RAD51B: variants seen among roughly 807,000 people sequenced by gnomAD.
RAD51B encodes the protein RAD51 paralog B.
A neutral mutation model predicts 42.2 loss-of-function variants in RAD51B; 38 were observed. The ratio of observed to expected loss-of-function variants is 0.90; its 90% CI spans 0.70 to 1.18. RAD51B has a LOEUF of 1.18. Among genes scored for constraint, RAD51B ranks in the 50% most tolerant of loss-of-function variants. RAD51B has a pLI of 0.00. For missense variants in RAD51B, 373 were observed against 400.7 expected (o/e 0.93, Z 0.59); for synonymous variants, 154 against 145.2 (o/e 1.06, Z -0.43).
chr14:67,831,024 C>A (rs1319621119), intron 3 of RAD51B, among the ~76,000 whole-genome samples: 1 of 150,884 alleles, frequency 6.6e-6, no homozygotes, highest in Non-Finnish European at 1.5e-5. Flanking sequence ...TACAGGCACC[C>A]ACCACTATGC....
rs1566811682 is a variant in RAD51B at position 68,328,560 on chromosome 14, C to A, written c.853+36580C>A. 1.3e-5 allele frequency among the ~76,000 whole-genome samples: 2 copies of A among 152,190 alleles called. 1 individual carries two copies. Among genetic ancestry groups the A allele is most frequent in the South Asian group, 4.1e-4 (2 of 4,830 alleles). Reference sequence around the variant, plus strand: ...AGAAGAACCCTGTGTTCTCCCCTGTCCAGCTCCCCTGGCTTTTGGAAACAG... The same window carrying A: ...AGAAGAACCCTGTGTTCTCCCCTGTACAGCTCCCCTGGCTTTTGGAAACAG... On this transcript the variant is annotated intron_variant, in intron 8 of 10. Coordinates refer to ENST00000471583, the MANE Select transcript of RAD51B (RefSeq NM_133510.4).
At chr14:68,070,053 T>C (rs2140462661) in intron 7 of RAD51B, among the ~76,000 whole-genome samples, 1 of 152,304 alleles carries the variant, frequency 6.6e-6, no homozygotes, top group East Asian at 1.9e-4. Flanking sequence ...TGAGCATTTT[T>C]TTCATGTGCT....
intron 8 of RAD51B, among the ~76,000 whole-genome samples, chr14:68,345,044 C>G (rs546255930): frequency 6.6e-6 from 1 of 151,908 alleles, no homozygotes; most frequent in East Asian, 1.9e-4. Flanking sequence ...CAGTTTTTCC[C>G]TTTGGAATGG....
chr14:68,677,466 G>A (rs1893334833), intron 11 of RAD51B, among the ~76,000 whole-genome samples: 1 of 152,144 alleles, frequency 6.6e-6, no homozygotes, highest in Non-Finnish European at 1.5e-5. Flanking sequence ...GATGCCCACT[G>A]AAAACCCATC....
rs149968978 is a variant in RAD51B, at chr14:68,017,910, G to T, written c.756+130706G>T. Among the ~76,000 whole-genome samples, 435 of 152,212 alleles carry T rather than the reference G, an allele frequency of 2.9e-3. 3 individuals carry two copies. The highest frequency in any genetic ancestry group is 0.01 in the African/African-American group (427 of 41,508). ...GACTTGAACCCGGGAGGCGGAGATT[G>T]CAGTGAGCTGAGATCGTGTCACTGT... On this transcript the variant is annotated intron_variant, in intron 7 of 10. Coordinates refer to ENST00000471583, the MANE Select transcript of RAD51B (RefSeq NM_133510.4).
intron 7 of RAD51B, among the ~76,000 whole-genome samples, chr14:68,055,293 A>G (rs2076456501): frequency 6.6e-6 from 1 of 152,204 alleles, no homozygotes; most frequent in African/African-American, 2.4e-5. Context: ...AACATATTTT[A>G]AACCTATTTT....
chr14:68,518,298 G>A (rs1485007790), intron 10 of RAD51B, among the ~76,000 whole-genome samples: 1 of 152,186 alleles, frequency 6.6e-6, no homozygotes, highest in African/African-American at 2.4e-5. Flanking sequence ...AGGCAGAGTA[G>A]GCTTGCACCC....
intron 8 of RAD51B, among the ~76,000 whole-genome samples, chr14:68,370,767 G>T (rs761552879): frequency 3.9e-5 from 6 of 152,088 alleles, no homozygotes; most frequent in African/African-American, 7.2e-5. Context: ...AGAATTGGCC[G>T]GGCGCAGTGG....
chr14:67,995,614 T>TAA (rs2075368696), intron 7 of RAD51B, among the ~76,000 whole-genome samples: 1 of 151,442 alleles, frequency 6.6e-6, no homozygotes, highest in African/African-American at 2.4e-5. Context: ...TTATATTCTT[T>TAA]TTTTTTTTTT....
chr14:68,672,466 C>G (rs923930144), intron 11 of RAD51B, among the ~76,000 whole-genome samples: 4 of 152,130 alleles, frequency 2.6e-5, no homozygotes, highest in Non-Finnish European at 4.4e-5. Flanking sequence ...AAGAGTGAGG[C>G]CTTATTTATA....
chr14:68,512,539 G>A (rs1273042766), intron 10 of RAD51B, among the ~76,000 whole-genome samples: 1 of 152,174 alleles, frequency 6.6e-6, no homozygotes, highest in Non-Finnish European at 1.5e-5. Flanking sequence ...TCATGGAAGT[G>A]CGGGTCTGTG....
At chr14:68,024,427 G>A (rs1373640326) in intron 7 of RAD51B, among the ~76,000 whole-genome samples, 1 of 152,178 alleles carries the variant, frequency 6.6e-6, no homozygotes, top group Non-Finnish European at 1.5e-5. Flanking sequence ...GCTTTGGGCA[G>A]TGTGACCATT....
intron 11 of RAD51B, among the ~76,000 whole-genome samples, chr14:68,681,493 G>A (rs150366671): frequency 1.6e-3 from 244 of 152,328 alleles, no homozygotes; most frequent in Non-Finnish European, 2.4e-3. Flanking sequence ...CTAAGACGGA[G>A]AGTGAGGGCA....
chr14:68,656,941 T>C (rs947662839), intron 11 of RAD51B, among the ~76,000 whole-genome samples: 1 of 152,140 alleles, frequency 6.6e-6, no homozygotes, highest in Admixed American at 6.5e-5. Flanking sequence ...AGAGACTAGA[T>C]GAGTTTGCAG....
intron 7 of RAD51B, among the ~76,000 whole-genome samples, chr14:68,184,236 T>TA (rs36056736): frequency 3.3e-5 from 5 of 152,020 alleles, no homozygotes; most frequent in African/African-American, 4.8e-5. Context: ...TGAGATTTTT[T>TA]AAAAAAAGTT....
At position 67,986,011 on chromosome 14, in the gene RAD51B, T is replaced by TTG. The variant is rs10568389; in HGVS notation, c.756+98827_756+98828dup. Among the ~76,000 whole-genome samples the TTG allele has an allele frequency of 6.6e-3, 994 of 150,868 alleles. 13 individuals are homozygous for TTG. The highest frequency in any genetic ancestry group is 0.019 in the African/African-American group (783 of 41,316). ...ATAAGTGTTTCCACTGTACCTTGAT[T>TTG]TGTGTGTGTGTGTGTGTGTGTAGTT... is the stretch of plus-strand genomic sequence containing the variant. On this transcript the variant is annotated intron_variant, in intron 7 of 10. Coordinates refer to ENST00000471583, the MANE Select transcript of RAD51B (RefSeq NM_133510.4).
At chr14:68,416,673 A>G (rs2084568796) in intron 9 of RAD51B, among the ~76,000 whole-genome samples, 1 of 152,256 alleles carries the variant, frequency 6.6e-6, no homozygotes, top group South Asian at 2.1e-4. Flanking sequence ...AATTATAAGC[A>G]GATACTTAAA....
rs112447946 is a variant in RAD51B, at chr14:68,309,401, G to C, written c.853+17421G>C. 5.6e-3 allele frequency among the ~76,000 whole-genome samples: 852 copies of C among 152,224 alleles called. 9 individuals carry two copies. Among genetic ancestry groups the C allele is most frequent in the Middle Eastern group, 0.01 (3 of 294 alleles). ...AGGCATCATTACTCATCACCATCAC[G>C]ACTCAAGGATCAGCAAATGAGAGTC... On this transcript the variant is annotated intron_variant, in intron 8 of 10. Coordinates refer to ENST00000471583, the MANE Select transcript of RAD51B (RefSeq NM_133510.4).
intron 7 of RAD51B, among the ~76,000 whole-genome samples, chr14:67,996,412 TAATAAATAAATA>T (rs139583137): frequency 1.4e-3 from 210 of 147,480 alleles, no homozygotes; most frequent in African/African-American, 3.7e-3. Context: ...ATAACAACAA[TAATAAATAAATA>T]AATAAATAAA....
Sources: allele counts gnomAD v4.1 joint callset (sites outside exome capture counted in the v4.1 genomes callset), GRCh38; gene constraint gnomAD v4.1.1; transcripts MANE v1.5; gene names NCBI Gene and HGNC (gene_info 2026-07-23, HGNC 2026-07-21).